Variants in PLCL1 observed in about 807,000 individuals in gnomAD.
PLCL1 encodes the protein phospholipase C like 1 (inactive).
Under a neutral mutation model 84.4 loss-of-function variants are expected in PLCL1, and 41 were observed. The observed-to-expected ratio is 0.49, with a 90% confidence interval of 0.38 to 0.63. The LOEUF is 0.63. Ranked by LOEUF, PLCL1 falls within the 30% of genes least tolerant of loss-of-function variation. The pLI is 0.00. For missense variants in PLCL1, 1,206 were observed against 1,367.8 expected, an observed-to-expected ratio of 0.88 and a Z score of 1.87; for synonymous variants, 490 against 488.3, an observed-to-expected ratio of 1.00 and a Z score of -0.05.
intron 5 of PLCL1, among the ~76,000 whole-genome samples, chr2:198,107,778 G>C (rs185889538): frequency 6.6e-6 from 1 of 151,876 alleles, no homozygotes; most frequent in East Asian, 1.9e-4. Flanking sequence ...AGACAGAATT[G>C]ATTTTCTATT....
At chr2:197,870,902 C>G (rs1687639278) in intron 1 of PLCL1, among the ~76,000 whole-genome samples, 1 of 152,040 alleles carries the variant, frequency 6.6e-6, no homozygotes, top group African/African-American at 2.4e-5. Flanking sequence ...TATCACACTC[C>G]CTTACCCTGA....
At chr2:197,994,744 T>A (rs1690423149) in intron 1 of PLCL1, among the ~76,000 whole-genome samples, 1 of 152,246 alleles carries the variant, frequency 6.6e-6, no homozygotes, top group Non-Finnish European at 1.5e-5. Flanking sequence ...TTCCTTGGCA[T>A]AAATAATTTC....
At chr2:197,931,165 G>A (rs945163912) in intron 1 of PLCL1, among the ~76,000 whole-genome samples, 3 of 152,116 alleles carry the variant, frequency 2.0e-5, no homozygotes, top group Non-Finnish European at 2.9e-5. Flanking sequence ...GAGGTGTCTC[G>A]GAAGGGAAGA....
intron 1 of PLCL1, among the ~76,000 whole-genome samples, chr2:197,885,761 G>C (rs1687912017): frequency 6.6e-6 from 1 of 152,168 alleles, no homozygotes; most frequent in African/African-American, 2.4e-5. Flanking sequence ...TTCAGGGCTT[G>C]ACATGTGCTT....
At chr2:198,043,847 G>A (rs2105861655) in intron 1 of PLCL1, among the ~76,000 whole-genome samples, 1 of 149,434 alleles carries the variant, frequency 6.7e-6, no homozygotes, top group African/African-American at 2.5e-5. Context: ...CCTGGACACA[G>A]CAGCTTGTTA....
chr2:197,811,742 G>T (rs1690591194), intron 1 of PLCL1, among the ~76,000 whole-genome samples: 1 of 152,144 alleles, frequency 6.6e-6, no homozygotes, highest in Admixed American at 6.5e-5. Context: ...ACCTTTGAAA[G>T]ATAATATCTG....
intron 5 of PLCL1, among the ~76,000 whole-genome samples, chr2:198,143,892 C>T (rs936443940): frequency 4.3e-5 from 3 of 70,418 alleles, no homozygotes; most frequent in Non-Finnish European, 9.1e-5. Context: ...TAATAGTTTA[C>T]CTATTTTTTT....
At chr2:197,850,064 ACACAC>A in intron 1 of PLCL1, among the ~76,000 whole-genome samples, 1 of 151,578 alleles carries the variant, frequency 6.6e-6, no homozygotes, top group African/African-American at 2.4e-5. Flanking sequence ...ACACACACAC[ACACAC>A]ACACACACAC....
chr2:198,118,550 A>G (rs1467037396), intron 5 of PLCL1, among the ~76,000 whole-genome samples: 1 of 152,024 alleles, frequency 6.6e-6, no homozygotes, highest in Non-Finnish European at 1.5e-5. Context: ...AATTACATGA[A>G]ACTTTATGAA....
At chr2:198,142,797 CTT>C (rs911999035) in intron 5 of PLCL1, among the ~76,000 whole-genome samples, 2 of 144,128 alleles carry the variant, frequency 1.4e-5, no homozygotes, top group Admixed American at 7.0e-5. Context: ...GCATCCTTCT[CTT>C]TTTTTTTTTT....
chr2:197,882,263 GAAGTT>G (rs1687842960), intron 1 of PLCL1, among the ~76,000 whole-genome samples: 1 of 152,046 alleles, frequency 6.6e-6, no homozygotes, highest in East Asian at 1.9e-4. Flanking sequence ...CATGTTCCAA[GAAGTT>G]AAGGTACATG....
intron 1 of PLCL1, among the ~76,000 whole-genome samples, chr2:198,060,550 C>T (rs1692171347): frequency 6.6e-6 from 1 of 152,164 alleles, no homozygotes; most frequent in Non-Finnish European, 1.5e-5. Context: ...AGTTCACCAT[C>T]GTGCTGTCAA....
intron 5 of PLCL1, among the ~76,000 whole-genome samples, chr2:198,109,791 GC>G (rs1693571102): frequency 6.6e-6 from 1 of 151,766 alleles, no homozygotes; most frequent in African/African-American, 2.4e-5. Flanking sequence ...ATTTTAGTGA[GC>G]TTTCCCAATA....
intron 5 of PLCL1, among the ~76,000 whole-genome samples, chr2:198,115,952 T>A (rs1693736555): frequency 6.8e-6 from 1 of 147,272 alleles, no homozygotes; most frequent in South Asian, 2.1e-4. Flanking sequence ...ATATATAAAA[T>A]ATATACATAT....
intron 1 of PLCL1, among the ~76,000 whole-genome samples, chr2:198,067,267 A>C (rs62277906): frequency 6.6e-6 from 1 of 151,758 alleles, no homozygotes; most frequent in Non-Finnish European, 1.5e-5. Context: ...AGCTGGGATT[A>C]TAAGTGTGCA....
rs140217991 is a variant in PLCL1 at position 197,815,501 on chromosome 2, C to T, written c.240+10162C>T. Among the ~76,000 whole-genome samples the T allele has an allele frequency of 6.6e-5, 10 of 152,244 alleles. No homozygotes were observed. In the East Asian group the frequency reaches 1.7e-3, roughly 26 times the overall value. ...TCCTGTTAACATAAGATCCATTCTG[C>T]AGCCTATGGATCAAGGAGAAATTTT... On this transcript the variant is annotated intron_variant, in intron 1 of 5. Coordinates refer to ENST00000428675, the MANE Select transcript of PLCL1 (RefSeq NM_006226.4).
At position 198,070,415 on chromosome 2, in the gene PLCL1, T is replaced by C. The variant is rs963381629; in HGVS notation, c.241-13343T>C. ...AATTTGATTTAAGAGAAGATACACA[T>C]TTTCATTCAAATTGATTGTTTAAAT... On this transcript the variant is annotated intron_variant, in intron 1 of 5. Coordinates refer to ENST00000428675, the MANE Select transcript of PLCL1 (RefSeq NM_006226.4). Among the ~76,000 whole-genome samples, 4 of 152,126 alleles carry C rather than the reference T, an allele frequency of 2.6e-5. No homozygotes were observed. In the East Asian group the frequency reaches 7.7e-4, roughly 29 times the overall value.
rs1692808269 is a variant in PLCL1, at chr2:198,084,583, A to G, written c.1066A>G (p.Ile356Val). Residue 356 changes from isoleucine to valine, a missense_variant, in exon 2 of 6, where the codon ATC becomes GTC. Physicochemically the swap from Ile to Val is conservative, Grantham distance 29 (BLOSUM62 3). Transcript: ENST00000428675. ...TATCACCGAGGATATATGCTTAGAC[A>G]TCATAAGGAGATACGAACTTTCTGA... The part of the protein sequence containing the change: ...THITEDICLD[I>V]IRRYELSEEG... 1 of 1,613,798 alleles carries G rather than the reference A, an allele frequency of 6.2e-7. No individual in the cohort carries two copies. The highest frequency in any genetic ancestry group is 8.5e-7 in the Non-Finnish European group (1 of 1,179,798).
chr2:198,137,149 C>CA lies in PLCL1; in HGVS notation c.3106-9624dup, dbSNP rs1402348622. On this transcript the variant is annotated intron_variant, in intron 5 of 5. Transcript: ENST00000428675. Reference sequence around the variant, plus strand: ...TGTACCTAAATTAAATAAAAAAACACAAAAAAACAAATAAACAATATAGAG... The same window carrying CA: ...TGTACCTAAATTAAATAAAAAAACACAAAAAAAACAAATAAACAATATAGAG... Among the ~76,000 whole-genome samples, 6 of 151,668 alleles carry CA rather than the reference C, an allele frequency of 4.0e-5. No homozygotes were observed. In the South Asian group the frequency reaches 8.4e-4, roughly 21 times the overall value.
Sources: allele counts gnomAD v4.1 joint callset (sites outside exome capture counted in the v4.1 genomes callset), GRCh38; gene constraint gnomAD v4.1.1; transcripts MANE v1.5; gene names NCBI Gene and HGNC (gene_info 2026-07-23, HGNC 2026-07-21).